The following MACROD2 variants were observed in gnomAD, a reference collection of about 807,000 sequenced individuals.
MACROD2 encodes mono-ADP ribosylhydrolase 2, also known as ADP-ribose glycohydrolase MACROD2.
In MACROD2, 36 loss-of-function variants were observed where a neutral mutation model predicts 70.4. That is an observed-to-expected ratio of 0.51 (90% CI 0.39 to 0.68). The LOEUF (loss-of-function observed/expected upper bound fraction) is 0.68, where lower values mean the gene tolerates loss of function less well. Among genes scored for constraint, MACROD2 ranks in the 30% least tolerant of loss-of-function variants. The probability of loss-of-function intolerance (pLI) is 0.00; values close to 1 mark genes in which losing one functional copy is unlikely to be tolerated. For synonymous variants in MACROD2, 172 were observed against 178.8 expected, an observed-to-expected ratio of 0.96 and a Z score of 0.30; for missense variants, 496 against 538.4, an observed-to-expected ratio of 0.92 and a Z score of 0.78.
intron 5 of MACROD2, chr20:14,757,452 T>C (rs991053761): frequency 6.3e-6 from 3 of 473,516 alleles, no homozygotes; most frequent in African/African-American, 1.9e-5. Context: ...AAGTACAACT[T>C]TGGACAATAA....
chr20:16,037,774 A>G (rs1042856004), intron 15 of MACROD2, among the ~76,000 whole-genome samples: 2 of 151,746 alleles, frequency 1.3e-5, no homozygotes, highest in African/African-American at 4.8e-5. Flanking sequence ...GTTATTTTGT[A>G]TGTTTATTTC....
intron 5 of MACROD2, among the ~76,000 whole-genome samples, chr20:15,001,423 G>T (rs1181296325): frequency 6.6e-6 from 1 of 152,168 alleles, no homozygotes; most frequent in Non-Finnish European, 1.5e-5. Context: ...TGGCTAAGAG[G>T]TGTCATCTCT....
At chr20:15,623,163 C>T (rs1386013019) in intron 8 of MACROD2, among the ~76,000 whole-genome samples, 2 of 152,194 alleles carry the variant, frequency 1.3e-5, no homozygotes, top group South Asian at 2.1e-4. Context: ...TTCATGTTTT[C>T]ATATGACTTG....
At chr20:15,482,431 A>G (rs1002953953) in intron 7 of MACROD2, among the ~76,000 whole-genome samples, 2 of 152,190 alleles carry the variant, frequency 1.3e-5, no homozygotes, top group Non-Finnish European at 1.5e-5. Context: ...AACACGGACA[A>G]TACCAATTGT....
At chr20:15,257,917 C>G (rs910521101) in intron 6 of MACROD2, among the ~76,000 whole-genome samples, 3 of 152,070 alleles carry the variant, frequency 2.0e-5, no homozygotes, top group African/African-American at 7.2e-5. Flanking sequence ...GTTATTGCCC[C>G]TGAAGACCTC....
chr20:14,705,358 A>T (rs989829540), intron 5 of MACROD2, among the ~76,000 whole-genome samples: 1 of 152,140 alleles, frequency 6.6e-6, no homozygotes, highest in Admixed American at 6.5e-5. Context: ...ATTAAAAAAA[A>T]ATAATGCCCC....
intron 6 of MACROD2, among the ~76,000 whole-genome samples, chr20:15,300,315 T>A (rs1359912989): frequency 6.6e-6 from 1 of 152,232 alleles, no homozygotes; most frequent in Non-Finnish European, 1.5e-5. Context: ...CATATTGGAA[T>A]CACCTGGGAA....
chr20:15,539,306 T>C (rs2047922133), intron 8 of MACROD2, among the ~76,000 whole-genome samples: 1 of 152,232 alleles, frequency 6.6e-6, no homozygotes. Context: ...AGAAGGAGCA[T>C]GTGGGGCTTA....
chr20:15,145,605 T>C (rs2076224553), intron 5 of MACROD2, among the ~76,000 whole-genome samples: 1 of 152,120 alleles, frequency 6.6e-6, no homozygotes, highest in Non-Finnish European at 1.5e-5. Context: ...GCTTCTCTAG[T>C]ACAGTACAAA....
intron 6 of MACROD2, among the ~76,000 whole-genome samples, chr20:15,397,284 C>A (rs1179514484): frequency 6.6e-6 from 1 of 151,926 alleles, no homozygotes. Context: ...TTTTCTTTTT[C>A]TTTTTTCTTT....
At chr20:15,982,802 C>T (rs1365627439) in intron 13 of MACROD2, among the ~76,000 whole-genome samples, 5 of 152,208 alleles carry the variant, frequency 3.3e-5, no homozygotes, top group Non-Finnish European at 7.3e-5. Flanking sequence ...ATTAAAATCA[C>T]CACAGCATGG....
Position 14,339,342 on chromosome 20 carries a change from T to C in MACROD2, c.272-154137T>C, listed in dbSNP as rs536950346. Among the ~76,000 whole-genome samples the C allele has an allele frequency of 2.0e-5, 3 of 152,334 alleles. No individual in the cohort carries two copies. In the East Asian group the frequency reaches 5.8e-4, roughly 29 times the overall value. Reference sequence around the variant, plus strand: ...GAACTGCTAGGTAGTACAATTAAACTGATATGCAGCAGCTGAATTTTGGGA... The same window carrying C: ...GAACTGCTAGGTAGTACAATTAAACCGATATGCAGCAGCTGAATTTTGGGA... On this transcript the variant is annotated intron_variant, in intron 3 of 17. Coordinates refer to ENST00000684519, the MANE Select transcript of MACROD2 (RefSeq NM_001351661.2).
At chr20:15,656,949 TA>T (rs2049740255) in intron 8 of MACROD2, among the ~76,000 whole-genome samples, 1 of 152,096 alleles carries the variant, frequency 6.6e-6, no homozygotes, top group African/African-American at 2.4e-5. Context: ...AAGTATATGA[TA>T]AAAATAAAGA....
intron 8 of MACROD2, among the ~76,000 whole-genome samples, chr20:15,849,002 T>C (rs1308485567): frequency 2.6e-5 from 4 of 152,208 alleles, no homozygotes; most frequent in Admixed American, 6.5e-5. Flanking sequence ...AGCTACAAGT[T>C]CATAAAGATA....
intron 5 of MACROD2, among the ~76,000 whole-genome samples, chr20:14,725,444 A>G (rs2071517573): frequency 6.6e-6 from 1 of 152,156 alleles, no homozygotes; most frequent in African/African-American, 2.4e-5. Flanking sequence ...GAAATCAGCA[A>G]AGGAGACAGA....
At chr20:14,982,774 T>C (rs1304002613) in intron 5 of MACROD2, among the ~76,000 whole-genome samples, 1 of 152,186 alleles carries the variant, frequency 6.6e-6, no homozygotes, top group East Asian at 1.9e-4. Flanking sequence ...GGTGGGGTCC[T>C]CACAGAGAAC....
chr20:14,828,920 A>G (rs571128588), intron 5 of MACROD2, among the ~76,000 whole-genome samples: 1 of 151,338 alleles, frequency 6.6e-6, no homozygotes, highest in Non-Finnish European at 1.5e-5. Flanking sequence ...CCACAACTAC[A>G]ATTAACATGT....
intron 7 of MACROD2, among the ~76,000 whole-genome samples, chr20:15,447,935 T>G (rs2046591147): frequency 6.6e-6 from 1 of 152,010 alleles, no homozygotes; most frequent in Admixed American, 6.6e-5. Flanking sequence ...GCCCAAGTAT[T>G]TATCCTTGTG....
At chr20:15,316,667 A>G (rs1429287988) in intron 6 of MACROD2, among the ~76,000 whole-genome samples, 1 of 152,086 alleles carries the variant, frequency 6.6e-6, no homozygotes, top group Admixed American at 6.6e-5. Flanking sequence ...GGACATAGAG[A>G]ACTTGAATAG....
Sources: gnomAD v4.1 joint callset for allele counts (sites outside exome capture counted in the v4.1 genomes callset) on GRCh38, gnomAD v4.1.1 for gene constraint, MANE v1.5 for transcripts, NCBI Gene and HGNC (gene_info 2026-07-23, HGNC 2026-07-21) for gene names.